Variants in GPHN observed in about 807,000 individuals in gnomAD.
GPHN encodes gephyrin.
In GPHN, 17 loss-of-function variants were observed where a neutral mutation model predicts 95.5. The ratio of observed to expected loss-of-function variants is 0.18; its 90% CI spans 0.12 to 0.27. The LOEUF (loss-of-function observed/expected upper bound fraction) is 0.27, where lower values mean the gene tolerates loss of function less well. Ranked by LOEUF, GPHN falls within the 10% of genes least tolerant of loss-of-function variation. The pLI, the probability that GPHN is intolerant of heterozygous loss-of-function variation, is 1.00. For synonymous variants in GPHN, 320 were observed against 322.5 expected (o/e 0.99, Z 0.08); for missense variants, 660 against 978.1 (o/e 0.67, Z 4.34).
At chr14:67,200,257 C>A in the GPHN span, 1 of 858,430 alleles carries the variant, frequency 1.2e-6, no homozygotes, top group Non-Finnish European at 1.8e-6. Flanking sequence ...CAGCCTCTCC[C>A]TCCAACCAGG....
At chr14:66,985,821 G>A in intron 9 of GPHN, 1 of 681,500 alleles carries the variant, frequency 1.5e-6, no homozygotes. Context: ...GGGAGGAAGG[G>A]GGCTTTTTCC....
the GPHN span, chr14:67,592,672 T>C: frequency 1.2e-6 from 2 of 1,608,944 alleles, no homozygotes; most frequent in South Asian, 1.1e-5. Flanking sequence ...CCCATGTGGT[T>C]CCACTGGATC....
At chr14:67,400,423 CAA>C in the GPHN span, among the ~76,000 whole-genome samples, 1 of 152,054 alleles carries the variant, frequency 6.6e-6, no homozygotes, top group African/African-American at 2.4e-5. Flanking sequence ...TTTAAAGAAA[CAA>C]AAAAGATTTG....
intron 2 of GPHN, among the ~76,000 whole-genome samples, chr14:66,682,344 ATG>A: frequency 6.6e-6 from 1 of 152,356 alleles, no homozygotes; most frequent in East Asian, 1.9e-4. Context: ...TTCTGTTAGG[ATG>A]TAAATATACC....
At chr14:67,418,580 G>T in the GPHN span, among the ~76,000 whole-genome samples, 2 of 152,192 alleles carry the variant, frequency 1.3e-5, no homozygotes, top group Non-Finnish European at 2.9e-5. Flanking sequence ...GATAGGGGCT[G>T]CTCCTACTCT....
intron 10 of GPHN, among the ~76,000 whole-genome samples, chr14:67,042,060 G>GT (rs1567244718): frequency 1.9e-4 from 29 of 151,028 alleles, no homozygotes; most frequent in African/African-American, 7.1e-4. Context: ...TTTTTTGATG[G>GT]GTTTTTTTTT....
chr14:67,163,591 C>A (rs2082088348), intron 19 of GPHN, among the ~76,000 whole-genome samples: 1 of 152,080 alleles, frequency 6.6e-6, no homozygotes, highest in Admixed American at 6.5e-5. Flanking sequence ...TGTATTACAG[C>A]AGAGTAGTAC....
chr14:67,559,575 T>C, the GPHN span: 1 of 1,453,412 alleles, frequency 6.9e-7, no homozygotes, highest in Non-Finnish European at 9.5e-7. Flanking sequence ...TGGTGATTGT[T>C]GGGATTAACG....
chr14:67,722,406 C>G, the GPHN span: 1 of 597,430 alleles, frequency 1.7e-6, no homozygotes, highest in Admixed American at 2.9e-5. Context: ...AACCTTGACT[C>G]CATCCCCTCC....
intron 5 of GPHN, among the ~76,000 whole-genome samples, chr14:66,906,743 A>G (rs2065400102): frequency 6.6e-6 from 1 of 152,120 alleles, no homozygotes; most frequent in African/African-American, 2.4e-5. Context: ...TAGATTATTC[A>G]GAAGTTTATG....
intron 1 of GPHN, among the ~76,000 whole-genome samples, chr14:66,546,843 AACTTC>A (rs997086563): frequency 5.3e-5 from 8 of 152,052 alleles, no homozygotes; most frequent in African/African-American, 1.2e-4. Context: ...TAACCTTTGT[AACTTC>A]ACTTCAGCCT....
chr14:66,540,842 C>T (rs565241557), intron 1 of GPHN, among the ~76,000 whole-genome samples: 2 of 151,592 alleles, frequency 1.3e-5, no homozygotes, highest in Non-Finnish European at 2.9e-5. Context: ...GGTGTGATCT[C>T]GGCTCACTGC....
chr14:66,677,311 G>C (rs1331859571), intron 1 of GPHN, among the ~76,000 whole-genome samples: 1 of 151,754 alleles, frequency 6.6e-6, no homozygotes, highest in East Asian at 1.9e-4. Flanking sequence ...TTTTAGGTTT[G>C]GCTTGTTCTT....
At chr14:67,597,501 CA>C in the GPHN span, among the ~76,000 whole-genome samples, 227 of 139,664 alleles carry the variant, frequency 1.6e-3, no homozygotes, top group Admixed American at 1.8e-3. Flanking sequence ...AAACCTGTCT[CA>C]AAAAAAAAAA....
At chr14:67,621,308 T>C in the GPHN span, among the ~76,000 whole-genome samples, 2 of 152,318 alleles carry the variant, frequency 1.3e-5, no homozygotes, top group African/African-American at 2.4e-5. Context: ...GAGATGCTTA[T>C]GATTTATCAG....
the GPHN span, chr14:67,199,659 C>T: frequency 5.7e-6 from 9 of 1,578,780 alleles, no homozygotes; most frequent in East Asian, 2.2e-5. Context: ...GCTCAGAACC[C>T]GCTCTCCCAG....
chr14:67,269,660 C>G, the GPHN span: 1 of 152,574 alleles, frequency 6.6e-6, no homozygotes, highest in African/African-American at 2.4e-5. Flanking sequence ...ACACTGCAGA[C>G]ATGTACATTT....
chr14:67,350,790 G>T, the GPHN span: 1 of 1,116,402 alleles, frequency 9.0e-7, no homozygotes, highest in East Asian at 2.6e-5. Flanking sequence ...ATTTTATGCT[G>T]GCTGTGCATG....
At chr14:66,702,348 C>A (rs1423963313) in intron 2 of GPHN, among the ~76,000 whole-genome samples, 2 of 152,172 alleles carry the variant, frequency 1.3e-5, no homozygotes, top group Admixed American at 6.5e-5. Context: ...CTGGGTGAGA[C>A]CCTCCAAAAG....
Sources: gnomAD v4.1 joint callset for allele counts (sites outside exome capture counted in the v4.1 genomes callset) on GRCh38, gnomAD v4.1.1 for gene constraint, MANE v1.5 for transcripts, NCBI Gene and HGNC (gene_info 2026-07-23, HGNC 2026-07-21) for gene names.